VRK1: variants seen among roughly 807,000 people sequenced by gnomAD.
VRK1 encodes the protein serine/threonine-protein kinase VRK1.
A neutral mutation model predicts 57.1 loss-of-function variants in VRK1; 33 were observed. That is an observed-to-expected ratio of 0.58 (90% CI 0.44 to 0.77). The LOEUF (loss-of-function observed/expected upper bound fraction) is 0.77. Among genes scored for constraint, VRK1 ranks in the 30% least tolerant of loss-of-function variants. The probability of loss-of-function intolerance (pLI) is 0.00; values close to 1 mark genes in which losing one functional copy is unlikely to be tolerated. For synonymous variants in VRK1, 137 were observed against 147.8 expected (o/e 0.93, Z 0.53); for missense variants, 413 against 477.3 (o/e 0.87, Z 1.25).
Position 96,820,228 on chromosome 14 carries a change from A to AT in VRK1, c.-5-13227dup, listed in dbSNP as rs887688400. On this transcript the variant is annotated intron_variant, in intron 1 of 12. Transcript: ENST00000216639. ...GACAAGATGACACTTGAAAATGATG[A>AT]TTTTTTTTTTTTAATTTTTGCTCAG... Among the ~76,000 whole-genome samples the AT allele has an allele frequency of 4.7e-3, 689 of 147,260 alleles. 4 individuals carry two copies. The highest frequency in any genetic ancestry group is 0.014 in the African/African-American group (557 of 40,266).
chr14:96,847,981 C>T (rs903539358), intron 5 of VRK1, among the ~76,000 whole-genome samples: 4 of 152,134 alleles, frequency 2.6e-5, no homozygotes, highest in Non-Finnish European at 4.4e-5. Context: ...GCACTTGATA[C>T]ATATTTGAAT....
intron 1 of VRK1, among the ~76,000 whole-genome samples, chr14:96,817,244 T>A (rs1886428511): frequency 6.6e-6 from 1 of 152,204 alleles, no homozygotes; most frequent in South Asian, 2.1e-4. Flanking sequence ...CCTCTTCATA[T>A]TCTTCCATTT....
At chr14:96,837,935 CTT>C (rs1237994895) in intron 3 of VRK1, 118 bp downstream of exon 3, 7 of 561,750 alleles carry the variant, frequency 1.2e-5, no homozygotes, top group African/African-American at 2.0e-5. Flanking sequence ...TTTTTAATAA[CTT>C]AAAAAATATT....
chr14:96,828,178 C>T (rs1886872378), intron 1 of VRK1, among the ~76,000 whole-genome samples: 1 of 152,252 alleles, frequency 6.6e-6, no homozygotes, highest in Admixed American at 6.5e-5. Context: ...TACAGGTTTC[C>T]AGTTTGTGGC....
chr14:96,836,282 C>T (rs1190602551), intron 2 of VRK1, among the ~76,000 whole-genome samples: 2 of 152,086 alleles, frequency 1.3e-5, no homozygotes, highest in Admixed American at 1.3e-4. Context: ...ACTCCATTCT[C>T]CACAAAGCAG....
At chr14:96,806,689 C>G (rs1885891880) in intron 1 of VRK1, among the ~76,000 whole-genome samples, 1 of 152,156 alleles carries the variant, frequency 6.6e-6, no homozygotes, top group Non-Finnish European at 1.5e-5. Context: ...GTCTGGCCCA[C>G]AGTAAGTGTT....
intron 1 of VRK1, among the ~76,000 whole-genome samples, chr14:96,827,655 A>G (rs142570240): frequency 2.3e-4 from 35 of 152,278 alleles, no homozygotes; most frequent in African/African-American, 7.5e-4. Flanking sequence ...ACTGCTCCCT[A>G]TATTTGCTAG....
chr14:96,849,573 T>C (rs10141420), intron 5 of VRK1, among the ~76,000 whole-genome samples: 21,562 of 152,192 alleles, frequency 0.14, 1,796 homozygotes, highest in Non-Finnish European at 0.19. Context: ...CTGTCTCTCT[T>C]GTTTCCCTAT....
intron 1 of VRK1, among the ~76,000 whole-genome samples, chr14:96,810,391 C>T (rs1257807760): frequency 2.0e-5 from 3 of 152,116 alleles, no homozygotes; most frequent in Non-Finnish European, 4.4e-5. Context: ...TTTTGCTACT[C>T]TAGGGCGATG....
At position 96,831,763 on chromosome 14, in the gene VRK1, T is replaced by TA. The variant is rs577923915; in HGVS notation, c.-5-1703dup. ...ACTCATTTTAAACTATTTTGATTAC[T>TA]ATAAGGAACCAGTCAAATAAGAGAT... On this transcript the variant is annotated intron_variant, in intron 1 of 12. Coordinates refer to ENST00000216639, the MANE Select transcript of VRK1 (RefSeq NM_003384.3). Among the ~76,000 whole-genome samples the TA allele has an allele frequency of 3.9e-3, 588 of 152,332 alleles. 1 individual carries two copies. Among genetic ancestry groups the TA allele is most frequent in the Non-Finnish European group, 5.8e-3 (394 of 68,026 alleles).
chr14:96,853,232 G>A (rs543698942), intron 7 of VRK1, 66 bp downstream of exon 7: 7 of 1,399,850 alleles, frequency 5.0e-6, no homozygotes, highest in East Asian at 2.3e-5. Context: ...TGGTTGCTTT[G>A]AACTTTTGAA....
rs556547130 is a variant in VRK1, at chr14:96,866,096, C to A, written c.1068+5361C>A. Among the ~76,000 whole-genome samples, 7 of 152,000 alleles carry A rather than the reference C, an allele frequency of 4.6e-5. No individual in the cohort carries two copies. The South Asian group carries it at 1.5e-3, about 32-fold the overall frequency. The stretch of plus-strand genomic sequence containing the variant: ...CTTCTTTTTCAGTTTCTTTTCTTGT[C>A]TCCTGGTATTCTTTGTTCGTGTGCT... On this transcript the variant is annotated intron_variant, in intron 11 of 12. Transcript: ENST00000216639.
intron 1 of VRK1, among the ~76,000 whole-genome samples, chr14:96,822,907 G>A (rs1886657067): frequency 6.6e-6 from 1 of 152,118 alleles, no homozygotes; most frequent in South Asian, 2.1e-4. Flanking sequence ...CCTTGCTCAC[G>A]CCACACCAGC....
intron 1 of VRK1, among the ~76,000 whole-genome samples, chr14:96,829,045 G>A (rs928755767): frequency 2.0e-5 from 3 of 152,082 alleles, no homozygotes; most frequent in Non-Finnish European, 4.4e-5. Context: ...ACTTCTTAAC[G>A]TTTATGCGCA....
chr14:96,841,003 G>A (rs1466298240), intron 3 of VRK1, among the ~76,000 whole-genome samples: 1 of 151,848 alleles, frequency 6.6e-6, no homozygotes, highest in East Asian at 1.9e-4. Flanking sequence ...CTAAAGGCAC[G>A]CACCACCATG....
chr14:96,853,089 T>G lies in VRK1; in HGVS notation c.499T>G (p.Tyr167Asp). The part of the protein sequence containing the change: ...LSLRILDILE[Y>D]IHEHEYVHGD... ...ACTTTCATAGCTGGATATTCTGGAATATATTCACGAGCATGAGTATGTGCA... is the reference window on the plus strand; with the variant it reads ...ACTTTCATAGCTGGATATTCTGGAAGATATTCACGAGCATGAGTATGTGCA... The change falls in exon 7 of 13, where the codon TAT (tyrosine) becomes GAT (aspartate). Residue 167 changes from tyrosine to aspartate, a missense_variant. Physicochemically the swap from Tyr to Asp is radical, Grantham distance 160 (BLOSUM62 -3). This residue lies in a region of VRK1 where 151 missense variants were observed against 225.5 expected (regional missense o/e 0.67). Transcript: ENST00000216639. 6.2e-7 allele frequency: 1 copy of G among 1,613,894 alleles called. No individual in the cohort carries two copies.
chr14:96,817,744 C>A (rs544749970), intron 1 of VRK1, among the ~76,000 whole-genome samples: 1 of 152,254 alleles, frequency 6.6e-6, no homozygotes, highest in Non-Finnish European at 1.5e-5. Context: ...AATGAGAAAT[C>A]TATTTACCAG....
At chr14:96,861,353 A>G (rs943577483) in intron 11 of VRK1, among the ~76,000 whole-genome samples, 1 of 152,106 alleles carries the variant, frequency 6.6e-6, no homozygotes, top group East Asian at 1.9e-4. Flanking sequence ...TAACTTACTG[A>G]TTTGCTATTG....
chr14:96,828,139 T>TA, intron 1 of VRK1, among the ~76,000 whole-genome samples: 1 of 138,766 alleles, frequency 7.2e-6, no homozygotes, highest in East Asian at 3.5e-4. Flanking sequence ...CCATCCGTCT[T>TA]ACTATATTCA....
Sources: gnomAD v4.1 joint callset for allele counts (sites outside exome capture counted in the v4.1 genomes callset) on GRCh38, gnomAD v4.1.1 for gene constraint, gnomAD v4.1.1 regional missense constraint, MANE v1.5 for transcripts, NCBI Gene and HGNC (gene_info 2026-07-23, HGNC 2026-07-21) for gene names.